Variants in ADAMTSL1 observed in about 807,000 individuals in gnomAD.
ADAMTSL1 encodes the protein ADAMTS like 1.
ADAMTSL1 carries 126 observed loss-of-function variants against 201.8 expected under a neutral mutation model. The ratio of observed to expected loss-of-function variants is 0.62; its 90% confidence interval spans 0.54 to 0.72. The LOEUF (loss-of-function observed/expected upper bound fraction) is 0.72, where lower values mean the gene tolerates loss of function less well. Ranked by LOEUF, ADAMTSL1 falls within the 30% of genes least tolerant of loss-of-function variation. The pLI is 0.00. For missense variants in ADAMTSL1, 2,679 were observed against 2,277.8 expected (o/e 1.18, Z -3.59); for synonymous variants, 1,121 against 903.4 (o/e 1.24, Z -4.32).
At chr9:18,900,032 A>C (rs1052600550) in intron 26 of ADAMTSL1, among the ~76,000 whole-genome samples, 1 of 152,242 alleles carries the variant, frequency 6.6e-6, no homozygotes, top group South Asian at 2.1e-4. Context: ...AAATTTTGCA[A>C]TCTATCCATC....
chr9:18,493,568 T>G (rs1364193753), intron 1 of ADAMTSL1, among the ~76,000 whole-genome samples: 1 of 152,230 alleles, frequency 6.6e-6, no homozygotes, highest in Non-Finnish European at 1.5e-5. Flanking sequence ...AAAGCTAGAT[T>G]AAGCCAAGAT....
intron 15 of ADAMTSL1, among the ~76,000 whole-genome samples, chr9:18,752,708 A>G (rs1162457262): frequency 6.6e-6 from 1 of 152,192 alleles, no homozygotes; most frequent in African/African-American, 2.4e-5. Context: ...CTTCCCTTCA[A>G]AAAGACTGAT....
intron 2 of ADAMTSL1, among the ~76,000 whole-genome samples, chr9:18,287,213 T>C (rs1297250145): frequency 6.6e-6 from 1 of 152,056 alleles, no homozygotes; most frequent in Non-Finnish European, 1.5e-5. Context: ...GTCTTAAAGC[T>C]CTGCTTGAAG....
At chr9:18,072,253 C>T (rs1438332832) in intron 1 of ADAMTSL1, among the ~76,000 whole-genome samples, 1 of 152,272 alleles carries the variant, frequency 6.6e-6, no homozygotes, top group Admixed American at 6.5e-5. Context: ...TTTTAGGCTT[C>T]TTACCACTGT....
chr9:17,975,368 C>T lies in ADAMTSL1; in HGVS notation c.87+68446C>T, dbSNP rs190558151. Among the ~76,000 whole-genome samples the T allele has an allele frequency of 1.4e-3, 212 of 152,098 alleles. 1 individual carries two copies. Among genetic ancestry groups the T allele is most frequent in the Admixed American group, 4.9e-3 (74 of 15,224 alleles). ...TTCTTGGGGCTGAGAAGTCCAAGATCAGGGCACCAGCAGATTTAATGTCTG... is the reference window on the plus strand; with the variant it reads ...TTCTTGGGGCTGAGAAGTCCAAGATTAGGGCACCAGCAGATTTAATGTCTG... On this transcript the variant is annotated intron_variant, in intron 1 of 29. Coordinates refer to the ADAMTSL1 transcript ENST00000680146.
intron 1 of ADAMTSL1, among the ~76,000 whole-genome samples, chr9:18,004,808 A>C (rs2131541372): frequency 6.6e-6 from 1 of 152,196 alleles, no homozygotes; most frequent in South Asian, 2.1e-4. Context: ...TTAAGACAGC[A>C]GAGCTCACAA....
At chr9:18,284,601 G>T (rs2132646014) in intron 2 of ADAMTSL1, among the ~76,000 whole-genome samples, 1 of 152,314 alleles carries the variant, frequency 6.6e-6, no homozygotes, top group East Asian at 1.9e-4. Flanking sequence ...GGCAGTCTGA[G>T]TCCAAAACTC....
chr9:18,119,695 G>A (rs1038806951), intron 1 of ADAMTSL1, among the ~76,000 whole-genome samples: 4 of 152,098 alleles, frequency 2.6e-5, no homozygotes, highest in African/African-American at 9.7e-5. Context: ...CAGGAGTCCA[G>A]GGTGGGCTGC....
intron 2 of ADAMTSL1, among the ~76,000 whole-genome samples, chr9:18,412,814 G>C (rs762457894): frequency 1.3e-5 from 2 of 152,104 alleles, no homozygotes; most frequent in Non-Finnish European, 2.9e-5. Context: ...GATGTTCCAG[G>C]CTAAGCTATT....
At chr9:17,975,131 T>G (rs1475510548) in intron 1 of ADAMTSL1, among the ~76,000 whole-genome samples, 2 of 152,074 alleles carry the variant, frequency 1.3e-5, no homozygotes, top group African/African-American at 2.4e-5. Context: ...CAAGCATCTT[T>G]TTATGTATTT....
At chr9:18,000,438 GTC>G (rs1819565718) in intron 1 of ADAMTSL1, among the ~76,000 whole-genome samples, 1 of 151,556 alleles carries the variant, frequency 6.6e-6, no homozygotes, top group Non-Finnish European at 1.5e-5. Flanking sequence ...AGCTTTACCT[GTC>G]TCTCCTATGG....
At chr9:17,956,416 CTCT>C (rs1827934956) in intron 1 of ADAMTSL1, among the ~76,000 whole-genome samples, 1 of 152,148 alleles carries the variant, frequency 6.6e-6, no homozygotes, top group Non-Finnish European at 1.5e-5. Context: ...TGGCAGTGTC[CTCT>C]TCTTTTGACA....
At chr9:18,608,363 A>C (rs1489979085) in intron 4 of ADAMTSL1, among the ~76,000 whole-genome samples, 1 of 152,186 alleles carries the variant, frequency 6.6e-6, no homozygotes, top group Non-Finnish European at 1.5e-5. Context: ...CTGTGTGTTG[A>C]ATTCTGTCAG....
At position 18,232,050 on chromosome 9, in the gene ADAMTSL1, C is replaced by T. The variant is rs537286087; in HGVS notation, c.207+68069C>T. Among the ~76,000 whole-genome samples the T allele has an allele frequency of 2.3e-4, 35 of 152,230 alleles. 1 individual carries two copies. The highest frequency in any genetic ancestry group is 8.2e-4 in the African/African-American group (34 of 41,550). On this transcript the variant is annotated intron_variant, in intron 2 of 29. Transcript: ENST00000680146. ...TCAAAACATAAGTCACATCGTGTCACCCCTCAGCTCTCCATGTCACTCAAA... is the reference window on the plus strand; with the variant it reads ...TCAAAACATAAGTCACATCGTGTCATCCCTCAGCTCTCCATGTCACTCAAA...
chr9:18,102,098 T>C (rs1410055244), intron 1 of ADAMTSL1, among the ~76,000 whole-genome samples: 2 of 152,240 alleles, frequency 1.3e-5, no homozygotes, highest in African/African-American at 4.8e-5. Flanking sequence ...TCAAAAGACA[T>C]GTCTGTTTTT....
At chr9:18,391,824 C>CTTTTTTTTTTT (rs11407945) in intron 2 of ADAMTSL1, among the ~76,000 whole-genome samples, 20 of 116,716 alleles carry the variant, frequency 1.7e-4, no homozygotes, top group South Asian at 2.8e-4. Flanking sequence ...TCTTTTCTTT[C>CTTTTTTTTTTT]TTTTTTTTTT....
chr9:18,879,055 T>C (rs1828358750), intron 23 of ADAMTSL1, among the ~76,000 whole-genome samples: 1 of 152,198 alleles, frequency 6.6e-6, no homozygotes, highest in African/African-American at 2.4e-5. Context: ...ATAACATTTC[T>C]TCCATGACCC....
rs1042968035 is a variant in ADAMTSL1 at position 18,429,947 on chromosome 9, A to G, written c.208-74882A>G. On this transcript the variant is annotated intron_variant, in intron 2 of 29. Coordinates refer to the ADAMTSL1 transcript ENST00000680146. ...TGGGATTACAGGCACGTGCCACGAC[A>G]CCCAGCTAGTTTTTATATTTTTAGT... 4.6e-5 allele frequency among the ~76,000 whole-genome samples: 7 copies of G among 151,552 alleles called. 1 individual carries two copies. The South Asian group carries it at 1.5e-3, about 32-fold the overall frequency.
intron 9 of ADAMTSL1, among the ~76,000 whole-genome samples, chr9:18,671,076 G>C (rs940638769): frequency 3.3e-5 from 5 of 152,126 alleles, no homozygotes; most frequent in African/African-American, 4.8e-5. Flanking sequence ...GAAAACATCT[G>C]TACATATTCA....
Sources: allele counts gnomAD v4.1 joint callset (sites outside exome capture counted in the v4.1 genomes callset), GRCh38; gene constraint gnomAD v4.1.1; transcripts MANE v1.5; gene names NCBI Gene and HGNC (gene_info 2026-07-23, HGNC 2026-07-21).